Variants in NMD3 observed in about 807,000 individuals in gnomAD.
NMD3 encodes 60S ribosomal export protein NMD3.
In NMD3, 47 loss-of-function variants were observed where a neutral mutation model predicts 73.1. That is an observed-to-expected ratio of 0.64 (90% confidence interval 0.51 to 0.82). NMD3 has a LOEUF of 0.82. Ranked by LOEUF, NMD3 falls within the 40% of genes least tolerant of loss-of-function variation. NMD3 has a pLI of 0.00. For missense variants in NMD3, 554 were observed against 612.5 expected (o/e 0.90, Z 1.01); for synonymous variants, 210 against 194.5 (o/e 1.08, Z -0.66).
In NMD3 at chr3:161,249,435, A is replaced by G. The variant is rs768944835; in HGVS notation, c.1204-19A>G. On this transcript the variant is annotated intron_variant, in intron 13 of 15. Transcript: ENST00000351193. ...TATAGTTCCCATTCTTTGTAACTTT[A>G]CAAATATTTATCTTGCAGGTATTAA... The G allele has an allele frequency of 1.6e-5, 24 of 1,522,724 alleles. No homozygotes were observed. Among genetic ancestry groups the G allele is most frequent in the Non-Finnish European group, 2.1e-5 (23 of 1,110,620 alleles). The allele number at this position is 1,522,724 out of a possible 1,614,324, so 94.3% of individuals were successfully genotyped here.
Position 161,224,947 on chromosome 3 carries a change from G to T in NMD3, c.62G>T (p.Gly21Val), listed in dbSNP as rs1736252754. 6.2e-7 allele frequency: 1 copy of T among 1,612,096 alleles called. No homozygotes were observed. Among genetic ancestry groups the T allele is most frequent in the South Asian group, 1.1e-5 (1 of 90,668 alleles). ...TATTAAAGCTTGTGCTGTGAGTGTG[G>T]TGTTCCGATAAGTCCAAATCCTGCC... The part of the protein sequence containing the change: ...SPGHILCCEC[G>V]VPISPNPANI... The change falls in exon 3 of 16, where the codon GGT (glycine) becomes GTT (valine). Residue 21 changes from glycine (G) to valine (V), a missense_variant. Coordinates refer to ENST00000351193, the MANE Select transcript of NMD3 (RefSeq NM_015938.5).
In NMD3 at chr3:161,246,378, A is replaced by T; in HGVS notation, c.1060A>T (p.Asn354Tyr). ...CTGGGTACAGAAGACATCTGAAATGAATACAGATAAACAGTATTTTTGTCG... is the reference window on the plus strand; with the variant it reads ...CTGGGTACAGAAGACATCTGAAATGTATACAGATAAACAGTATTTTTGTCG... ...EVWVQKTSEM[N>Y]TDKQYFCRTH... is the part of the protein sequence containing the mutation. The change falls in exon 12 of 16, where the codon AAT becomes TAT. Residue 354 changes from asparagine (N) to tyrosine (Y), a missense_variant. Coordinates refer to ENST00000351193, the MANE Select transcript of NMD3 (RefSeq NM_015938.5). 6.6e-7 allele frequency: 1 copy of T among 1,520,162 alleles called. No individual in the cohort carries two copies. Among genetic ancestry groups the T allele is most frequent in the Non-Finnish European group, 9.0e-7 (1 of 1,115,646 alleles). 94.2% of individuals were successfully genotyped at this position (1,520,162 alleles called of 1,614,324 possible). A position where few individuals can be genotyped will look rare whatever the true frequency, so the allele number is the denominator to read the frequency against.
intron 4 of NMD3, among the ~76,000 whole-genome samples, chr3:161,232,367 T>TA (rs141005263): frequency 0.029 from 4,466 of 152,220 alleles, 94 homozygotes; most frequent in Non-Finnish European, 0.046. Context: ...CTGCTGCTGA[T>TA]ACCTCTCAAA....
chr3:161,250,848 C>G lies in NMD3; in HGVS notation c.1450C>G (p.Leu484Val), dbSNP rs1449816036. 2 of 1,612,154 alleles carry G rather than the reference C, an allele frequency of 1.2e-6. No individual in the cohort carries two copies. The highest frequency in any genetic ancestry group is 3.3e-5 in the Admixed American group (2 of 59,978). ...ACCTCGAATTAGTCTGGCTGAGATG[C>G]TTGAAGACCTTCATATTTCCCAAGA... ...GAPRISLAEM[L>V]EDLHISQDAT... Residue 484 changes from leucine to valine, a missense_variant, in exon 16 of 16, where the codon CTT (leucine) becomes GTT (valine). Physicochemically the swap from Leu to Val is conservative, Grantham distance 32 (BLOSUM62 1). Transcript: ENST00000351193.
Position 161,238,166 on chromosome 3 carries a change from T to A in NMD3, c.631T>A (p.Phe211Ile), listed in dbSNP as rs1165083261. ...SKQHAQKMVEFLQCTVPCRYK... is the reference protein window; with the variant it reads ...SKQHAQKMVEILQCTVPCRYK... ...ACAACATGCTCAGAAGATGGTCGAA[T>A]TTCTTCAGTGTACAGTTCCCTGTAG... The change falls in exon 8 of 16, where the codon TTT becomes ATT. Residue 211 changes from phenylalanine to isoleucine, a missense_variant. Phe to Ile is a conservative substitution (Grantham distance 21, BLOSUM62 0). Coordinates refer to ENST00000351193, the MANE Select transcript of NMD3 (RefSeq NM_015938.5). 1 of 1,607,920 alleles carries A rather than the reference T, an allele frequency of 6.2e-7. No homozygotes were observed. The highest frequency in any genetic ancestry group is 1.1e-5 in the South Asian group (1 of 89,714).
chr3:161,239,808 G>A (rs937382916), intron 9 of NMD3, among the ~76,000 whole-genome samples: 6 of 152,170 alleles, frequency 3.9e-5, no homozygotes, highest in African/African-American at 7.2e-5. Context: ...CTTTCAGGTC[G>A]TATAATCTCT....
In NMD3 at chr3:161,221,988, T is replaced by TTTTTTA. The variant is rs748443883; in HGVS notation, c.-20-6_-20-5insTTTTTA. The TTTTTTA allele has an allele frequency of 1.4e-4, 170 of 1,192,730 alleles. 6 individuals carry two copies. In the African/African-American group the frequency reaches 1.8e-3, roughly 13 times the overall value. The allele number at this position is 1,192,730 out of a possible 1,614,324, so 73.9% of individuals were successfully genotyped here. A position where few individuals can be genotyped will look rare whatever the true frequency, so the allele number is the denominator to read the frequency against. On this transcript the variant is annotated splice_region_variant and splice_polypyrimidine_tract_variant and intron_variant, in intron 1 of 15. Coordinates refer to ENST00000351193, the MANE Select transcript of NMD3 (RefSeq NM_015938.5). ...TTTTTTTTTTTTTTTTTTTTTTTTT[T>TTTTTTA]AAAAGAACTTAAGGCATACAGAACG...
At chr3:161,242,433 T>G in intron 10 of NMD3, 75 bp from the exon 11 acceptor site, 1 of 1,387,794 alleles carries the variant, frequency 7.2e-7, no homozygotes. Context: ...TCTACCAGTT[T>G]ATTCTTAGTT....
intron 8 of NMD3, among the ~76,000 whole-genome samples, chr3:161,238,427 A>G (rs1736850867): frequency 6.6e-6 from 1 of 152,226 alleles, no homozygotes; most frequent in African/African-American, 2.4e-5. Flanking sequence ...TATTAGTGTG[A>G]ACAAAGATTT....
chr3:161,222,141 G>A, intron 2 of NMD3, 84 bp downstream of exon 2: 2 of 1,101,000 alleles, frequency 1.8e-6, no homozygotes, highest in Non-Finnish European at 2.8e-6. Flanking sequence ...ACGCTTGAGG[G>A]TGGGTGGGAA....
chr3:161,232,102 A>G (rs1473971777), intron 4 of NMD3, among the ~76,000 whole-genome samples: 2 of 141,020 alleles, frequency 1.4e-5, no homozygotes, highest in Non-Finnish European at 3.1e-5. Context: ...TTGGAGCTTG[A>G]GGGGAAGATC....
chr3:161,241,016 C>G (rs369773457), intron 9 of NMD3, 30 bp from the exon 10 acceptor site: 2 of 1,390,282 alleles, frequency 1.4e-6, no homozygotes, highest in Non-Finnish European at 2.0e-6. Context: ...TAGGATATGC[C>G]TCATTCTAAA....
intron 10 of NMD3, among the ~76,000 whole-genome samples, chr3:161,241,750 T>C (rs1736995480): frequency 6.6e-6 from 1 of 152,174 alleles, no homozygotes; most frequent in Non-Finnish European, 1.5e-5. Context: ...ATTTAATTTT[T>C]GTGACTATTT....
chr3:161,251,266 G>C lies in NMD3; in HGVS notation c.*356G>C, dbSNP rs1576863391. 1 of 156,408 alleles carries C rather than the reference G, an allele frequency of 6.4e-6. No individual in the cohort carries two copies. The highest frequency in any genetic ancestry group is 2.4e-5 in the African/African-American group (1 of 41,748). 9.7% of individuals were successfully genotyped at this position (156,408 alleles called of 1,614,324 possible). On this transcript the variant is annotated 3_prime_UTR_variant, in exon 16 of 16. Coordinates refer to ENST00000351193, the MANE Select transcript of NMD3 (RefSeq NM_015938.5). ...CCTTGAACGTTCACTAAATCTTCAA[G>C]CAAAAACACATTTTTACATTATTTT...
intron 7 of NMD3, among the ~76,000 whole-genome samples, chr3:161,237,760 C>T (rs576495930): frequency 6.6e-6 from 1 of 152,072 alleles, no homozygotes; most frequent in African/African-American, 2.4e-5. Flanking sequence ...GATCTCCTGA[C>T]CTCATGATCC....
chr3:161,235,980 A>G (rs1736741241), intron 7 of NMD3, among the ~76,000 whole-genome samples: 1 of 152,020 alleles, frequency 6.6e-6, no homozygotes, highest in African/African-American at 2.4e-5. Context: ...CAATCTTTTT[A>G]TTAATTTTGT....
chr3:161,239,771 TAA>T (rs1239056890), intron 9 of NMD3, among the ~76,000 whole-genome samples: 1 of 152,204 alleles, frequency 6.6e-6, no homozygotes, highest in Non-Finnish European at 1.5e-5. Context: ...ACTTTCTCTG[TAA>T]AGAGACAGAT....
intron 9 of NMD3, 34 bp downstream of exon 9, chr3:161,238,860 A>G: frequency 9.8e-7 from 1 of 1,021,802 alleles, no homozygotes; most frequent in Non-Finnish European, 1.5e-6. Flanking sequence ...CATATCTGTA[A>G]AAGAGTACAA....
At chr3:161,233,359 G>A in intron 4 of NMD3, 40 bp from the exon 5 acceptor site, 5 of 1,437,304 alleles carry the variant, frequency 3.5e-6, no homozygotes, top group Non-Finnish European at 4.8e-6. Flanking sequence ...TTCCTCCTAG[G>A]TGAGAACTTA....
Sources: gnomAD v4.1 joint callset for allele counts (sites outside exome capture counted in the v4.1 genomes callset) on GRCh38, gnomAD v4.1.1 for gene constraint, MANE v1.5 for transcripts, NCBI Gene and HGNC (gene_info 2026-07-23, HGNC 2026-07-21) for gene names.